The following AVEN variants were observed in gnomAD, a reference collection of about 807,000 sequenced individuals.
The protein encoded by AVEN is apoptosis and caspase activation inhibitor.
A neutral mutation model predicts 38.1 loss-of-function variants in AVEN; 41 were observed. The ratio of observed to expected loss-of-function variants is 1.08; its 90% CI spans 0.84 to 1.40. The LOEUF (loss-of-function observed/expected upper bound fraction) is 1.40, where lower values mean the gene tolerates loss of function less well. Ranked by LOEUF, AVEN falls within the 40% of genes most tolerant of loss-of-function variation. The probability of loss-of-function intolerance (pLI) is 0.00; values close to 1 mark genes in which losing one functional copy is unlikely to be tolerated. For synonymous variants in AVEN, 206 were observed against 171.8 expected, an observed-to-expected ratio of 1.20 and a Z score of -1.56; for missense variants, 605 against 438.8, an observed-to-expected ratio of 1.38 and a Z score of -3.38.
chr15:33,862,453 C>T (rs950018501), downstream of AVEN, among the ~76,000 whole-genome samples: 1 of 152,128 alleles, frequency 6.6e-6, no homozygotes, highest in Non-Finnish European at 1.5e-5. Flanking sequence ...GCTATCCACC[C>T]ACCTTGGCCT....
chr15:33,894,515 TA>T (rs71117190), intron 2 of AVEN, among the ~76,000 whole-genome samples: 44 of 132,284 alleles, frequency 3.3e-4, no homozygotes, highest in African/African-American at 8.5e-4. Context: ...GTTTTTCTCT[TA>T]AAAAAAAAAA....
At chr15:33,958,752 G>C (rs969751041) in intron 2 of AVEN, among the ~76,000 whole-genome samples, 4 of 151,994 alleles carry the variant, frequency 2.6e-5, no homozygotes, top group Non-Finnish European at 5.9e-5. Context: ...AGTTCAACAG[G>C]CACCTTTGTT....
At chr15:34,060,434 A>G (rs1385398277) in intron 5 of AVEN, among the ~76,000 whole-genome samples, 2 of 152,212 alleles carry the variant, frequency 1.3e-5, no homozygotes, top group Non-Finnish European at 2.9e-5. Context: ...CTGAAAATAT[A>G]AAGCAAAGCC....
chr15:34,036,377 A>G (rs1421986396), intron 1 of AVEN, among the ~76,000 whole-genome samples: 1 of 152,192 alleles, frequency 6.6e-6, no homozygotes, highest in Non-Finnish European at 1.5e-5. Flanking sequence ...GGTGTACACA[A>G]AATTGGTTTC....
intron 2 of AVEN, among the ~76,000 whole-genome samples, chr15:33,907,387 G>A (rs1892745601): frequency 6.6e-6 from 1 of 152,160 alleles, no homozygotes; most frequent in African/African-American, 2.4e-5. Context: ...AAAGGCTGGG[G>A]TATCAACATC....
intron 1 of AVEN, among the ~76,000 whole-genome samples, chr15:34,015,611 TAAG>T (rs1041067972): frequency 3.9e-5 from 6 of 151,972 alleles, no homozygotes; most frequent in African/African-American, 1.5e-4. Flanking sequence ...CTTTAGGAGC[TAAG>T]AATAAAAAAG....
At chr15:34,024,653 C>T (rs907654411) in intron 1 of AVEN, among the ~76,000 whole-genome samples, 1 of 146,106 alleles carries the variant, frequency 6.8e-6, no homozygotes, top group Non-Finnish European at 1.5e-5. Context: ...GAGTTCGAGA[C>T]CAGCCTGACC....
Position 33,903,205 on chromosome 15 carries a change from T to C in AVEN, c.446-27210A>G, listed in dbSNP as rs1475837364. 2.0e-5 allele frequency among the ~76,000 whole-genome samples: 3 copies of C among 152,328 alleles called. No individual in the cohort carries two copies. The East Asian group carries it at 5.8e-4, about 29-fold the overall frequency. ...GATGAGAATGAGGGATTATGCAGAA[T>C]CCATTCTTAGTATTATGTGGTGGCA... On this transcript the variant is annotated intron_variant, in intron 2 of 5. Coordinates refer to ENST00000306730, the MANE Select transcript of AVEN (RefSeq NM_020371.3).
chr15:33,877,475 C>A (rs186257646), intron 2 of AVEN, among the ~76,000 whole-genome samples: 3 of 152,188 alleles, frequency 2.0e-5, no homozygotes, highest in Non-Finnish European at 4.4e-5. Flanking sequence ...TAAAACTTAT[C>A]TTAAAAAATA....
chr15:33,885,079 A>C (rs1198129756), intron 2 of AVEN, among the ~76,000 whole-genome samples: 1 of 152,070 alleles, frequency 6.6e-6, no homozygotes, highest in African/African-American at 2.4e-5. Context: ...TCCTTTATCT[A>C]TCCCACAGCC....
intron 2 of AVEN, among the ~76,000 whole-genome samples, chr15:33,907,181 G>T (rs772674594): frequency 2.6e-5 from 4 of 152,154 alleles, no homozygotes; most frequent in Non-Finnish European, 4.4e-5. Context: ...GATAGACCCT[G>T]CTCGCCCAAC....
chr15:33,910,831 C>T (rs1892889712), intron 2 of AVEN, among the ~76,000 whole-genome samples: 1 of 152,196 alleles, frequency 6.6e-6, no homozygotes, highest in African/African-American at 2.4e-5. Context: ...AGTTAAGGGG[C>T]ATCCCAGTTC....
chr15:34,024,261 T>C (rs570171260), intron 1 of AVEN, among the ~76,000 whole-genome samples: 9 of 152,238 alleles, frequency 5.9e-5, no homozygotes, highest in African/African-American at 2.2e-4. Context: ...AATGCTATTA[T>C]AAATACATAA....
chr15:33,967,842 G>C lies in AVEN; in HGVS notation c.445+35190C>G, dbSNP rs531167037. On this transcript the variant is annotated intron_variant, in intron 2 of 5. Coordinates refer to ENST00000306730, the MANE Select transcript of AVEN (RefSeq NM_020371.3). ...AAGGAAAAGCTTTAATGAAGACCCT[G>C]TTAAAAGTTTGTATCAAATGAGGAC... Among the ~76,000 whole-genome samples, 204 of 150,276 alleles carry C rather than the reference G, an allele frequency of 1.4e-3. 1 individual carries two copies. The highest frequency in any genetic ancestry group is 0.01 in the Middle Eastern group (3 of 290).
intron 2 of AVEN, among the ~76,000 whole-genome samples, chr15:33,993,942 TTA>T (rs1567455001): frequency 6.6e-6 from 1 of 152,252 alleles, no homozygotes; most frequent in Non-Finnish European, 1.5e-5. Context: ...ATTCATCCAC[TTA>T]TTTAAGTATT....
chr15:33,870,938 G>C lies in AVEN; in HGVS notation c.609C>G (p.Val203=), dbSNP rs767716638. 115 of 1,610,262 alleles carry C rather than the reference G, an allele frequency of 7.1e-5. 1 individual carries two copies. The highest frequency in any genetic ancestry group is 4.5e-4 in the South Asian group (41 of 90,562). Residue 203 remains valine, a synonymous_variant, in exon 4 of 6, where the codon GTC becomes GTG. Coordinates refer to ENST00000306730, the MANE Select transcript of AVEN (RefSeq NM_020371.3). ...AAGAGGGCTTCGGGATTTTTACCTG[G>C]ACCAGTTCGGCAGCAACGTTGAGTC... ...CLRLNVAAEL[V]QGTVPLEVPQ...
intron 1 of AVEN, among the ~76,000 whole-genome samples, chr15:34,029,130 C>A (rs560616922): frequency 6.6e-6 from 1 of 152,232 alleles, no homozygotes; most frequent in Non-Finnish European, 1.5e-5. Flanking sequence ...TCCACAGCAC[C>A]TTCCCCTCTC....
At position 33,874,491 on chromosome 15, in the gene AVEN, G is replaced by A. The variant is rs191893351; in HGVS notation, c.516+1434C>T. On this transcript the variant is annotated intron_variant, in intron 3 of 5. Transcript: ENST00000306730. Reference sequence around the variant, plus strand: ...GAGTCACACTTGTCCACCAAGACCCGTTCAAATGATCTTTTCCCCATGGTA... The same window carrying A: ...GAGTCACACTTGTCCACCAAGACCCATTCAAATGATCTTTTCCCCATGGTA... 1.1e-4 allele frequency among the ~76,000 whole-genome samples: 16 copies of A among 152,044 alleles called. 1 individual carries two copies. Among genetic ancestry groups the A allele is most frequent in the East Asian group, 5.8e-4 (3 of 5,188 alleles).
intron 1 of AVEN, among the ~76,000 whole-genome samples, chr15:34,009,129 T>A (rs1416364596): frequency 2.0e-5 from 3 of 151,114 alleles, no homozygotes; most frequent in Non-Finnish European, 4.4e-5. Context: ...GGAAAAAAAA[T>A]AAACTGTCAG....
Sources: gnomAD v4.1 joint callset for allele counts (sites outside exome capture counted in the v4.1 genomes callset) on GRCh38, gnomAD v4.1.1 for gene constraint, MANE v1.5 for transcripts, NCBI Gene and HGNC (gene_info 2026-07-23, HGNC 2026-07-21) for gene names.